PCDH11Y: variants seen among roughly 807,000 people sequenced by gnomAD.
PCDH11Y encodes protocadherin 11 Y-linked, also known as protocadherin-11 Y-linked.
For missense variants in PCDH11Y, 12 were observed against 224.8 expected (o/e 0.05, Z 6.05); for synonymous variants, 9 against 83.6 (o/e 0.11, Z 4.87).
At chrY:5,730,973 T>C (rs2053603880) in intron 4 of PCDH11Y, among the ~76,000 whole-genome samples, 1 of 29,477 alleles carries the variant, frequency 3.4e-5, no homozygotes, top group Non-Finnish European at 8.2e-5. Flanking sequence ...GTCTTCACGG[T>C]CAATTAATTT....
intron 1 of PCDH11Y, among the ~76,000 whole-genome samples, chrY:5,094,658 T>C (rs2052747656): frequency 3.2e-5 from 1 of 31,696 alleles, no homozygotes; most frequent in Admixed American, 3.0e-4. Flanking sequence ...ATGTTCTACA[T>C]CTGCAGTGTC....
intron 2 of PCDH11Y, among the ~76,000 whole-genome samples, chrY:5,425,839 G>T: frequency 3.0e-5 from 1 of 32,898 alleles, no homozygotes; most frequent in Non-Finnish European, 7.5e-5. Context: ...GCAATTGAAA[G>T]TTAATTCTCA....
intron 3 of PCDH11Y, among the ~76,000 whole-genome samples, chrY:5,581,032 T>C: frequency 6.1e-5 from 2 of 32,781 alleles, no homozygotes; most frequent in Admixed American, 5.7e-4. Flanking sequence ...TGGGTGTTTA[T>C]AAACATACAA....
chrY:5,283,850 A>G (rs2053056983), intron 2 of PCDH11Y, among the ~76,000 whole-genome samples: 1 of 32,474 alleles, frequency 3.1e-5, no homozygotes, highest in African/African-American at 1.2e-4. Context: ...ATACCAACTC[A>G]TATTGTACAG....
chrY:5,238,736 C>A (rs553977256), intron 2 of PCDH11Y, among the ~76,000 whole-genome samples: 1 of 31,982 alleles, frequency 3.1e-5, no homozygotes, highest in Non-Finnish European at 7.7e-5. Context: ...AGAAAAAAAA[C>A]AAACAACCCC....
chrY:5,573,927 C>G, intron 3 of PCDH11Y: 1 of 206,372 alleles, frequency 4.8e-6, no homozygotes, highest in African/African-American at 8.2e-5. Context: ...TGGGAAGAAC[C>G]GAGAGGAGCT....
At chrY:5,252,074 C>T in intron 2 of PCDH11Y, among the ~76,000 whole-genome samples, 1 of 31,985 alleles carries the variant, frequency 3.1e-5, no homozygotes, top group Non-Finnish European at 7.7e-5. Flanking sequence ...GAAAGAGAAA[C>T]GGTAGTCATA....
chrY:5,586,430 T>G, intron 4 of PCDH11Y, among the ~76,000 whole-genome samples: 1 of 32,548 alleles, frequency 3.1e-5, no homozygotes, highest in African/African-American at 1.2e-4. Flanking sequence ...ACCAGCACTT[T>G]TTGCACATTG....
At chrY:5,508,945 A>G (rs2124688736) in intron 3 of PCDH11Y, among the ~76,000 whole-genome samples, 1 of 32,970 alleles carries the variant, frequency 3.0e-5, no homozygotes, top group South Asian at 6.8e-4. Flanking sequence ...TGCCTTTTAC[A>G]TTGTCTTTAA....
chrY:5,385,924 T>C, intron 2 of PCDH11Y, among the ~76,000 whole-genome samples: 11 of 33,353 alleles, frequency 3.3e-4, no homozygotes, highest in African/African-American at 1.3e-3. Context: ...GTTGTATGTA[T>C]AGATTGTGAA....
At chrY:5,457,720 A>G in intron 2 of PCDH11Y, among the ~76,000 whole-genome samples, 5 of 33,659 alleles carry the variant, frequency 1.5e-4, no homozygotes, top group Non-Finnish European at 1.5e-4. Context: ...CTTTCAAGAA[A>G]AAGAGAATCA....
At chrY:5,419,134 T>G in intron 2 of PCDH11Y, among the ~76,000 whole-genome samples, 2 of 33,476 alleles carry the variant, frequency 6.0e-5, no homozygotes, top group African/African-American at 1.2e-4. Flanking sequence ...ATTCCTCTAG[T>G]GAATTTGAGA....
chrY:5,242,893 A>T, intron 2 of PCDH11Y, among the ~76,000 whole-genome samples: 1 of 34,025 alleles, frequency 2.9e-5, no homozygotes. Flanking sequence ...CAATATTAAC[A>T]TCTGCAAAAT....
At chrY:5,283,560 T>A in intron 2 of PCDH11Y, among the ~76,000 whole-genome samples, 3 of 31,966 alleles carry the variant, frequency 9.4e-5, no homozygotes, top group Non-Finnish European at 2.3e-4. Context: ...TGTTCCCAAG[T>A]GTTTCTAAAA....
intron 2 of PCDH11Y, among the ~76,000 whole-genome samples, chrY:5,310,021 C>CA (rs1287449010): frequency 4.9e-3 from 26 of 5,299 alleles, no homozygotes; most frequent in African/African-American, 6.0e-3. Context: ...AATTTGGTTG[C>CA]AAAAAAAAAA....
At chrY:5,224,581 C>G (rs2052957806) in intron 2 of PCDH11Y, among the ~76,000 whole-genome samples, 1 of 32,619 alleles carries the variant, frequency 3.1e-5, no homozygotes, top group African/African-American at 1.2e-4. Flanking sequence ...GGTTTAAAAA[C>G]ATGAGTCAAC....
At chrY:5,242,118 G>A (rs2124655604) in intron 2 of PCDH11Y, among the ~76,000 whole-genome samples, 3 of 28,738 alleles carry the variant, frequency 1.0e-4, no homozygotes, top group Non-Finnish European at 2.4e-4. Context: ...GCTGACTGCC[G>A]TAGCGCATGT....
At chrY:5,087,611 G>A in intron 1 of PCDH11Y, among the ~76,000 whole-genome samples, 1 of 31,906 alleles carries the variant, frequency 3.1e-5, no homozygotes, top group Non-Finnish European at 7.7e-5. Flanking sequence ...GCAGCCTTGG[G>A]TTAGGGGACA....
chrY:5,225,016 A>G (rs2052958485), intron 2 of PCDH11Y, among the ~76,000 whole-genome samples: 1 of 28,855 alleles, frequency 3.5e-5, no homozygotes, highest in Non-Finnish European at 8.2e-5. Flanking sequence ...GTATATATCT[A>G]TGGGGTACAT....
Sources: gnomAD v4.1 joint callset for allele counts (sites outside exome capture counted in the v4.1 genomes callset) on GRCh38, gnomAD v4.1.1 for gene constraint, MANE v1.5 for transcripts, NCBI Gene and HGNC (gene_info 2026-07-23, HGNC 2026-07-21) for gene names.